TMPRSS15: variants seen among roughly 807,000 people sequenced by gnomAD.
TMPRSS15 encodes enteropeptidase.
TMPRSS15 carries 128 observed loss-of-function variants against 125.3 expected under a neutral mutation model. That is an observed-to-expected ratio of 1.02 (90% CI 0.89 to 1.18). The LOEUF is 1.18. TMPRSS15 is among the 50% of genes most tolerant of loss of function. TMPRSS15 has a pLI of 0.00. For missense variants in TMPRSS15, 1,283 were observed against 1,212.7 expected, an observed-to-expected ratio of 1.06 and a Z score of -0.86; for synonymous variants, 446 against 423.2, an observed-to-expected ratio of 1.05 and a Z score of -0.66.
At chr21:18,451,445 A>G (rs1267041156) in intron 1 of TMPRSS15, among the ~76,000 whole-genome samples, 3 of 152,158 alleles carry the variant, frequency 2.0e-5, no homozygotes. Context: ...CAAAACTACA[A>G]ATACATGCAG....
chr21:18,327,665 CTATTAG>C (rs2075305535), intron 15 of TMPRSS15, among the ~76,000 whole-genome samples: 3 of 152,228 alleles, frequency 2.0e-5, no homozygotes, highest in African/African-American at 7.2e-5. Context: ...GACTGCATAT[CTATTAG>C]ATCAGATTTT....
chr21:18,362,150 G>A (rs1205293608), intron 7 of TMPRSS15, among the ~76,000 whole-genome samples: 1 of 152,140 alleles, frequency 6.6e-6, no homozygotes, highest in Non-Finnish European at 1.5e-5. Flanking sequence ...AGTAGACAGA[G>A]AAGGAAAGTA....
Position 18,279,305 on chromosome 21 carries a change from G to A in TMPRSS15, c.2669-246C>T, listed in dbSNP as rs112148690. On this transcript the variant is annotated intron_variant, in intron 22 of 24. Coordinates refer to ENST00000284885, the MANE Select transcript of TMPRSS15 (RefSeq NM_002772.3). The stretch of plus-strand genomic sequence containing the variant: ...TTTAGGGTCTTTTACTAGTCTCCTC[G>A]TTACTCTTTTTTTTTTTTTTTTTTT... Among the ~76,000 whole-genome samples, 967 of 97,572 alleles carry A rather than the reference G, an allele frequency of 9.9e-3. 16 individuals are homozygous for A. Among genetic ancestry groups the A allele is most frequent in the African/African-American group, 0.031 (933 of 29,648 alleles). The allele number at this position is 97,572 out of a possible 152,430, so 64.0% of individuals were successfully genotyped here.
chr21:18,326,309 T>C (rs1322160171), intron 16 of TMPRSS15, 123 bp downstream of exon 16: 10 of 1,335,942 alleles, frequency 7.5e-6, no homozygotes, highest in Non-Finnish European at 1.1e-5. Flanking sequence ...TTCATTAAGA[T>C]GAGGAAGAAT....
chr21:18,471,377 G>T (rs1978777329), intron 1 of TMPRSS15, among the ~76,000 whole-genome samples: 1 of 151,678 alleles, frequency 6.6e-6, no homozygotes, highest in Non-Finnish European at 1.5e-5. Context: ...TTAGTATATA[G>T]AACTTTTTAC....
intron 21 of TMPRSS15, among the ~76,000 whole-genome samples, chr21:18,286,897 C>T (rs2074771049): frequency 1.3e-5 from 2 of 152,168 alleles, no homozygotes; most frequent in Non-Finnish European, 2.9e-5. Flanking sequence ...GTAAGTCTAC[C>T]TCACTTCTAC....
intron 24 of TMPRSS15, 76 bp downstream of exon 24, chr21:18,275,121 A>C (rs948282837): frequency 7.7e-6 from 12 of 1,554,560 alleles, no homozygotes; most frequent in Non-Finnish European, 1.1e-5. Flanking sequence ...TTACTCCCTA[A>C]TTATTGTTAA....
At chr21:18,448,948 C>G (rs2076261521) in intron 1 of TMPRSS15, among the ~76,000 whole-genome samples, 1 of 151,996 alleles carries the variant, frequency 6.6e-6, no homozygotes, top group Admixed American at 6.5e-5. Context: ...TTGAAACAGA[C>G]AAACTGGGTC....
At position 18,295,928 on chromosome 21, in the gene TMPRSS15, G is replaced by A. The variant is rs1350226925; in HGVS notation, c.2262-1276C>T. ...AGCACTTTGGGAGGCGGAGGCGGGC[G>A]GATCACGAGGTCAGGAGATCGAGAC... is the stretch of plus-strand genomic sequence containing the variant. On this transcript the variant is annotated intron_variant, in intron 19 of 24. Transcript: ENST00000284885. Among the ~76,000 whole-genome samples, 10 of 152,122 alleles carry A rather than the reference G, an allele frequency of 6.6e-5. No individual in the cohort carries two copies. The East Asian group carries it at 1.4e-3, about 21-fold the overall frequency.
At chr21:18,369,935 G>T (rs1220912785) in intron 6 of TMPRSS15, among the ~76,000 whole-genome samples, 1 of 116,732 alleles carries the variant, frequency 8.6e-6, no homozygotes, top group Non-Finnish European at 1.7e-5. Context: ...CAAATAATTC[G>T]AATTTATTTA....
intron 1 of TMPRSS15, among the ~76,000 whole-genome samples, chr21:18,432,719 A>G (rs2076218817): frequency 6.6e-6 from 1 of 152,144 alleles, no homozygotes; most frequent in African/African-American, 2.4e-5. Context: ...CGGCCCACGT[A>G]GATTTTGGAT....
At chr21:18,348,316 T>C (rs1204630168) in intron 10 of TMPRSS15, among the ~76,000 whole-genome samples, 2 of 152,176 alleles carry the variant, frequency 1.3e-5, no homozygotes, top group African/African-American at 4.8e-5. Flanking sequence ...CTTCATGAAT[T>C]GAACCTAGTC....
intron 1 of TMPRSS15, among the ~76,000 whole-genome samples, chr21:18,451,872 GGCATGCATAAGACATGCATGACAT>G (rs140029480): frequency 0.098 from 14,873 of 152,100 alleles, 850 homozygotes; most frequent in African/African-American, 0.15. Flanking sequence ...TCACAGTCAT[GGCATGCATAAGACATGCATGACAT>G]GCATGCATAA....
intron 3 of TMPRSS15, among the ~76,000 whole-genome samples, chr21:18,384,278 C>T: frequency 6.6e-6 from 1 of 152,046 alleles, no homozygotes; most frequent in East Asian, 1.9e-4. Flanking sequence ...TCTATATCTC[C>T]CTCTTCTTCT....
At chr21:18,406,744 A>T (rs2076152858), upstream of TMPRSS15, among the ~76,000 whole-genome samples, 1 of 152,194 alleles carries the variant, frequency 6.6e-6, no homozygotes, top group African/African-American at 2.4e-5. Context: ...TAATATCTAG[A>T]AAAACTAAAT....
intron 3 of TMPRSS15, among the ~76,000 whole-genome samples, chr21:18,385,489 C>T (rs1808935717): frequency 6.6e-6 from 1 of 152,112 alleles, no homozygotes; most frequent in African/African-American, 2.4e-5. Flanking sequence ...ATGGAAACTT[C>T]TGGAAAACTT....
intron 1 of TMPRSS15, among the ~76,000 whole-genome samples, chr21:18,441,606 CA>C (rs201137705): frequency 0.01 from 1,015 of 98,432 alleles, 6 homozygotes; most frequent in African/African-American, 0.033. Flanking sequence ...GACTCCATCT[CA>C]AAAAAAAAAA....
intron 1 of TMPRSS15, among the ~76,000 whole-genome samples, chr21:18,421,905 A>G (rs2076192746): frequency 1.3e-5 from 2 of 152,168 alleles, no homozygotes; most frequent in African/African-American, 4.8e-5. Flanking sequence ...TGAAAATTAC[A>G]ATGACAGCTT....
intron 14 of TMPRSS15, among the ~76,000 whole-genome samples, chr21:18,330,555 C>G (rs1042916213): frequency 6.6e-6 from 1 of 152,158 alleles, no homozygotes; most frequent in African/African-American, 2.4e-5. Flanking sequence ...CTTATTATAA[C>G]AGTATTTTGG....
Sources: allele counts gnomAD v4.1 joint callset (sites outside exome capture counted in the v4.1 genomes callset), GRCh38; gene constraint gnomAD v4.1.1; transcripts MANE v1.5; gene names NCBI Gene and HGNC (gene_info 2026-07-23, HGNC 2026-07-21).